The following SPATA6L variants were observed in gnomAD, a reference collection of about 807,000 sequenced individuals.
The protein encoded by SPATA6L is spermatogenesis associated 6 like.
SPATA6L carries 68 observed loss-of-function variants against 49.2 expected under a neutral mutation model. That is an observed-to-expected ratio of 1.38 (90% CI 1.14 to 1.69). The LOEUF is 1.69. Among genes scored for constraint, SPATA6L ranks in the 40% most tolerant of loss-of-function variants. The pLI is 0.00. For missense variants in SPATA6L, 668 were observed against 464.3 expected, an observed-to-expected ratio of 1.44 and a Z score of -4.03; for synonymous variants, 198 against 165.7, an observed-to-expected ratio of 1.19 and a Z score of -1.50.
chr9:4,605,901 G>C (rs902820076), intron 9 of SPATA6L, among the ~76,000 whole-genome samples: 1 of 152,218 alleles, frequency 6.6e-6, no homozygotes, highest in Admixed American at 6.5e-5. Flanking sequence ...CTGAGGTAGC[G>C]GGTTCATCTC....
chr9:4,659,133 A>G (rs1839001030), intron 2 of SPATA6L, among the ~76,000 whole-genome samples: 1 of 152,154 alleles, frequency 6.6e-6, no homozygotes, highest in Non-Finnish European at 1.5e-5. Flanking sequence ...ATAGCCATTT[A>G]TTTCTCTCCT....
intron 7 of SPATA6L, 80 bp from the exon 8 acceptor site, chr9:4,618,978 G>A: frequency 1.5e-6 from 2 of 1,300,348 alleles, no homozygotes; most frequent in South Asian, 1.3e-5. Flanking sequence ...TTATTCTACA[G>A]CAGTACAAAA....
chr9:4,649,353 G>A (rs1587426316), intron 3 of SPATA6L, among the ~76,000 whole-genome samples: 1 of 152,162 alleles, frequency 6.6e-6, no homozygotes, highest in African/African-American at 2.4e-5. Flanking sequence ...CGGCAGTGTA[G>A]AAGTATTACC....
rs756511327 is a variant in SPATA6L, at chr9:4,662,924, C to G, written c.40-888G>C. On this transcript the variant is annotated intron_variant, in intron 1 of 11. Coordinates refer to ENST00000682582, the MANE Select transcript of SPATA6L (RefSeq NM_001353486.2). The surrounding 1 kb of genome is among the most constrained non-coding windows in gnomAD (Gnocchi z 4.9). ...TGGACCTGCTGCTGGTGGCCTTGAT[C>G]AAAGGGCTGGTCCGCAGGCGCCGCC... 1.2e-6 allele frequency: 2 copies of G among 1,610,570 alleles called. No homozygotes were observed. Among genetic ancestry groups the G allele is most frequent in the South Asian group, 1.1e-5 (1 of 91,046 alleles).
chr9:4,594,282 T>G (rs1372097599), downstream of SPATA6L, among the ~76,000 whole-genome samples: 1 of 152,228 alleles, frequency 6.6e-6, no homozygotes, highest in East Asian at 1.9e-4. Flanking sequence ...CGAACTCAGC[T>G]CACTGCAAGC....
intron 2 of SPATA6L, among the ~76,000 whole-genome samples, chr9:4,660,370 A>T (rs1160215611): frequency 6.6e-6 from 1 of 152,260 alleles, no homozygotes; most frequent in Non-Finnish European, 1.5e-5. Context: ...AAGTGGGTGA[A>T]GGACATGAAC....
At chr9:4,597,039 T>G (rs1822317043), downstream of SPATA6L, among the ~76,000 whole-genome samples, 1 of 152,156 alleles carries the variant, frequency 6.6e-6, no homozygotes, top group Non-Finnish European at 1.5e-5. Flanking sequence ...CTACCAACAA[T>G]AACATTATTA....
chr9:4,644,182 GCAAAAAAAAAAA>G (rs1161439679), intron 3 of SPATA6L, among the ~76,000 whole-genome samples: 1 of 49,394 alleles, frequency 2.0e-5, no homozygotes, highest in Non-Finnish European at 3.3e-5. Flanking sequence ...TGCCATCTCT[GCAAAAAAAAAAA>G]AAAAAAAAAA....
chr9:4,642,885 G>A (rs1019942903), intron 3 of SPATA6L, among the ~76,000 whole-genome samples: 4 of 152,068 alleles, frequency 2.6e-5, no homozygotes, highest in African/African-American at 7.3e-5. Flanking sequence ...ACTTTATACA[G>A]AAGGAAAGAA....
rs567674225 is a variant in SPATA6L at position 4,661,106 on chromosome 9, T to C, written c.177+793A>G. Reference sequence around the variant, plus strand: ...TATACATATATAACAAACCAGCACGTTGTGCATATGTACCCTAGAACTTAA... The same window carrying C: ...TATACATATATAACAAACCAGCACGCTGTGCATATGTACCCTAGAACTTAA... On this transcript the variant is annotated intron_variant, in intron 2 of 11. Transcript: ENST00000682582. Among the ~76,000 whole-genome samples the C allele has an allele frequency of 2.6e-5, 4 of 152,296 alleles. No homozygotes were observed. The South Asian group carries it at 8.3e-4, about 32-fold the overall frequency.
intron 5 of SPATA6L, chr9:4,627,900 C>T: frequency 1.1e-6 from 1 of 907,398 alleles, no homozygotes; most frequent in Non-Finnish European, 1.6e-6. Flanking sequence ...AATTATATTA[C>T]ATACACATAA....
chr9:4,623,742 T>C (rs10974659), intron 6 of SPATA6L, among the ~76,000 whole-genome samples: 2,733 of 152,286 alleles, frequency 0.018, 79 homozygotes, highest in African/African-American at 0.06. Flanking sequence ...AAGAAATCTA[T>C]CAAGATTTTA....
At chr9:4,652,375 G>A (rs1837108826) in intron 3 of SPATA6L, among the ~76,000 whole-genome samples, 1 of 151,918 alleles carries the variant, frequency 6.6e-6, no homozygotes, top group Non-Finnish European at 1.5e-5. Flanking sequence ...CAACAAGAAT[G>A]AAACTCTGTC....
downstream of SPATA6L, chr9:4,596,669 T>C (rs1822282171): frequency 6.6e-6 from 1 of 152,188 alleles, no homozygotes; most frequent in African/African-American, 2.4e-5. Flanking sequence ...AAACAAGAAG[T>C]GGTTAATTGT....
chr9:4,589,308 A>T lies in SPATA6L; in HGVS notation c.*255-347T>A, dbSNP rs75102377. Among the ~76,000 whole-genome samples the T allele has an allele frequency of 7.6e-3, 1,162 of 152,128 alleles. 12 individuals carry two copies. The highest frequency in any genetic ancestry group is 0.026 in the African/African-American group (1,097 of 41,490). On this transcript the variant is annotated intron_variant and NMD_transcript_variant, in intron 13 of 13. Coordinates refer to the SPATA6L transcript ENST00000461761. ...ACCCCTGCTTCTGGGAAAAAACTAT[A>T]CCCTTCTCCCTCCCCCATTTATTAA...
At chr9:4,625,027 C>G (rs987830829) in intron 6 of SPATA6L, among the ~76,000 whole-genome samples, 15 of 152,164 alleles carry the variant, frequency 9.9e-5, no homozygotes, top group Admixed American at 9.2e-4. Context: ...AGTTCATTGA[C>G]TCTTCAAGAT....
chr9:4,593,101 T>G (rs1189139345), intron 13 of SPATA6L, among the ~76,000 whole-genome samples: 1 of 152,214 alleles, frequency 6.6e-6, no homozygotes, highest in Admixed American at 6.5e-5. Flanking sequence ...GGAGGTTAAG[T>G]ACTTTGCCCA....
chr9:4,595,173 T>A (rs997924916), downstream of SPATA6L, among the ~76,000 whole-genome samples: 1 of 152,190 alleles, frequency 6.6e-6, no homozygotes, highest in Non-Finnish European at 1.5e-5. Context: ...GTAGTTCACC[T>A]TCACTTTGTA....
downstream of SPATA6L, among the ~76,000 whole-genome samples, chr9:4,593,641 G>A (rs149138945): frequency 5.3e-5 from 8 of 152,126 alleles, no homozygotes; most frequent in East Asian, 3.9e-4. Flanking sequence ...CTGAAACTCC[G>A]AGGTCATCAG....
Sources: gnomAD v4.1 joint callset for allele counts (sites outside exome capture counted in the v4.1 genomes callset) on GRCh38, gnomAD v4.1.1 for gene constraint, Gnocchi (gnomAD v3.1) non-coding constraint, MANE v1.5 for transcripts, NCBI Gene and HGNC (gene_info 2026-07-23, HGNC 2026-07-21) for gene names.